Variants in ALPK2 observed in about 807,000 individuals in gnomAD.
The protein encoded by ALPK2 is alpha-protein kinase 2.
In ALPK2, 127 loss-of-function variants were observed where a neutral mutation model predicts 163.1. The observed-to-expected ratio is 0.78, with a 90% CI of 0.67 to 0.90. ALPK2 has a LOEUF of 0.90. Among genes scored for constraint, ALPK2 ranks in the 40% least tolerant of loss-of-function variants. The pLI is 0.00. For missense variants in ALPK2, 2,360 were observed against 2,589.6 expected (o/e 0.91, Z 1.92); for synonymous variants, 953 against 959.1 (o/e 0.99, Z 0.12).
chr18:58,514,909 C>A, intron 10 of ALPK2, 84 bp downstream of exon 10: 5 of 995,540 alleles, frequency 5.0e-6, no homozygotes, highest in Non-Finnish European at 7.4e-6. Flanking sequence ...GAAACACTTG[C>A]CCTACTGTTC....
chr18:58,616,309 A>C (rs768682938), intron 1 of ALPK2, among the ~76,000 whole-genome samples: 2 of 152,118 alleles, frequency 1.3e-5, no homozygotes, highest in Non-Finnish European at 2.9e-5. Flanking sequence ...GGGAAACAGA[A>C]TCTCTCTCTC....
At chr18:58,591,332 A>C (rs2052013963) in intron 3 of ALPK2, among the ~76,000 whole-genome samples, 1 of 152,244 alleles carries the variant, frequency 6.6e-6, no homozygotes, top group South Asian at 2.1e-4. Flanking sequence ...ACGGCCAAAA[A>C]AATGGTAGGA....
intron 7 of ALPK2, 45 bp from the exon 8 acceptor site, chr18:58,523,886 T>C (rs1312397151): frequency 1.9e-6 from 3 of 1,614,102 alleles, no homozygotes; most frequent in Middle Eastern, 1.6e-4. Context: ...CAGATGTCCA[T>C]TGTGAACGGG....
chr18:58,482,757 T>G (rs2051318236), intron 12 of ALPK2, among the ~76,000 whole-genome samples: 1 of 152,214 alleles, frequency 6.6e-6, no homozygotes, highest in Admixed American at 6.5e-5. Flanking sequence ...ATTTAAATAC[T>G]GAAATTATAA....
chr18:58,617,762 G>T (rs2052177883), intron 1 of ALPK2, among the ~76,000 whole-genome samples: 1 of 152,200 alleles, frequency 6.6e-6, no homozygotes, highest in Non-Finnish European at 1.5e-5. Context: ...TTTGTTGACA[G>T]TTGGCTTATT....
intron 11 of ALPK2, among the ~76,000 whole-genome samples, chr18:58,503,063 C>G (rs368488627): frequency 6.6e-6 from 1 of 152,236 alleles, no homozygotes; most frequent in African/African-American, 2.4e-5. Context: ...CCTGGGATCC[C>G]CTCTCAAATA....
chr18:58,482,043 T>G lies in ALPK2; in HGVS notation c.6297-4A>C. 6.2e-7 allele frequency: 1 copy of G among 1,608,024 alleles called. No homozygotes were observed. The highest frequency in any genetic ancestry group is 8.5e-7 in the Non-Finnish European group (1 of 1,174,902). ...GTTGCCTTTAAATCCCTTGTACCTG[T>G]GAGTTTGGGTGGAAGGAAACATAGC... is the stretch of plus-strand genomic sequence containing the variant. On this transcript the variant is annotated splice_polypyrimidine_tract_variant and splice_region_variant and intron_variant, in intron 12 of 12. Coordinates refer to ENST00000361673, the MANE Select transcript of ALPK2 (RefSeq NM_052947.4).
rs192698694 is a variant in ALPK2, at chr18:58,583,333, C to T, written c.228-2785G>A. Among the ~76,000 whole-genome samples the T allele has an allele frequency of 1.0e-3, 159 of 152,070 alleles. 1 individual carries two copies. Among genetic ancestry groups the T allele is most frequent in the African/African-American group, 3.4e-3 (139 of 41,480 alleles). On this transcript the variant is annotated intron_variant, in intron 3 of 12. Transcript: ENST00000361673. ...AAAGAGAGGAGGGTATAATGAGGCG[C>T]GTCCAACACCCTTCCTGTCATGGCC...
intron 8 of ALPK2, among the ~76,000 whole-genome samples, chr18:58,520,625 G>T (rs991072958): frequency 6.6e-6 from 1 of 152,034 alleles, no homozygotes; most frequent in Non-Finnish European, 1.5e-5. Context: ...AGACTGCTCC[G>T]AGGTGCAGAA....
chr18:58,519,506 C>A lies in ALPK2; in HGVS notation c.5666-2324G>T, dbSNP rs2051538741. ...CCCTATGCTTTAAAATTCAGCAAAT[C>A]TAATTAACTGAAGATAAAAGTTGGT... On this transcript the variant is annotated intron_variant, in intron 8 of 12. Transcript: ENST00000361673. 1.3e-5 allele frequency among the ~76,000 whole-genome samples: 2 copies of A among 152,146 alleles called. 1 individual carries two copies. Among genetic ancestry groups the A allele is most frequent in the South Asian group, 4.1e-4 (2 of 4,832 alleles).
At chr18:58,483,813 C>T (rs1289526473) in intron 12 of ALPK2, among the ~76,000 whole-genome samples, 1 of 151,818 alleles carries the variant, frequency 6.6e-6, no homozygotes, top group Admixed American at 6.6e-5. Context: ...GATCCGCCCG[C>T]CTCGGCCTCC....
Position 58,579,761 on chromosome 18 carries a change from A to C in ALPK2, c.1015T>G (p.Tyr339Asp), listed in dbSNP as rs2051946156. 1 of 1,614,232 alleles carries C rather than the reference A, an allele frequency of 6.2e-7. No homozygotes were observed. The highest frequency in any genetic ancestry group is 1.3e-5 in the African/African-American group (1 of 75,056). ...TTCCTTTGCCAAACTGCATTAGAGT[A>C]ATCCGTCATAACATCAGAACATTCC... ...YLECSDVMTD[Y>D]SNAVWQRNLL... Residue 339 changes from tyrosine to aspartate, a missense_variant, in exon 4 of 13, where the codon TAC (tyrosine) becomes GAC (aspartate). Physicochemically the swap from Tyr to Asp is radical, Grantham distance 160. Coordinates refer to ENST00000361673, the MANE Select transcript of ALPK2 (RefSeq NM_052947.4).
At position 58,564,953 on chromosome 18, in the gene ALPK2, A is replaced by G. The variant is rs145364465; in HGVS notation, c.1962+13861T>C. ...TTCCTTGCTTCCCTCTCCAGAGTTAATCCTATCATTTGAATGTATTCTTCC... is the reference window on the plus strand; with the variant it reads ...TTCCTTGCTTCCCTCTCCAGAGTTAGTCCTATCATTTGAATGTATTCTTCC... On this transcript the variant is annotated intron_variant, in intron 4 of 12. Coordinates refer to ENST00000361673, the MANE Select transcript of ALPK2 (RefSeq NM_052947.4). Among the ~76,000 whole-genome samples, 1,461 of 152,328 alleles carry G rather than the reference A, an allele frequency of 9.6e-3. 20 individuals carry two copies. The highest frequency in any genetic ancestry group is 0.032 in the African/African-American group (1,320 of 41,566).
At chr18:58,626,758 G>T in intron 1 of ALPK2, among the ~76,000 whole-genome samples, 1 of 151,332 alleles carries the variant, frequency 6.6e-6, no homozygotes, top group South Asian at 2.1e-4. Context: ...CAAACACATT[G>T]TTTCCAAGTA....
Position 58,509,407 on chromosome 18 carries a change from G to A in ALPK2, c.6030-5259C>T, listed in dbSNP as rs1461576928. Among the ~76,000 whole-genome samples, 16 of 152,198 alleles carry A rather than the reference G, an allele frequency of 1.1e-4. No homozygotes were observed. In the East Asian group the frequency reaches 3.1e-3, roughly 29 times the overall value. ...CCTTTGGGTATATACCCAGTAATGG[G>A]ATGGCTGGGTCAAATGGTATTTCTA... On this transcript the variant is annotated intron_variant, in intron 10 of 12. Transcript: ENST00000361673.
intron 5 of ALPK2, 105 bp downstream of exon 5, chr18:58,534,729 G>C (rs1436987598): frequency 7.1e-7 from 1 of 1,415,222 alleles, no homozygotes; most frequent in African/African-American, 1.4e-5. Context: ...ATGCCCACCT[G>C]GGGGACACTG....
At chr18:58,557,226 C>G (rs1197806402) in intron 4 of ALPK2, 1 of 152,270 alleles carries the variant, frequency 6.6e-6, no homozygotes, top group Non-Finnish European at 1.5e-5. Flanking sequence ...TGGAGGGGCT[C>G]ATGGGTGACC....
At position 58,536,686 on chromosome 18, in the gene ALPK2, T is replaced by C; in HGVS notation, c.3501A>G (p.Arg1167=). 6.2e-7 allele frequency: 1 copy of C among 1,614,202 alleles called. No individual in the cohort carries two copies. The highest frequency in any genetic ancestry group is 8.5e-7 in the Non-Finnish European group (1 of 1,180,028). The change falls in exon 5 of 13, where the codon AGA becomes AGG. Residue 1167 remains arginine, a synonymous_variant. Coordinates refer to ENST00000361673, the MANE Select transcript of ALPK2 (RefSeq NM_052947.4). ...LPTTSAAQEE[R]NLVPTAHSPA... is the part of the protein sequence containing the mutation. ...GTGAGTGGGCCGTGGGCACCAAGTT[T>C]CTTTCCTCTTGTGCAGCAGATGTCG...
At position 58,516,917 on chromosome 18, in the gene ALPK2, G is replaced by A. The variant is rs766688925; in HGVS notation, c.5931C>T (p.Leu1977=). 1.1e-4 allele frequency: 176 copies of A among 1,612,920 alleles called. 2 individuals carry two copies. The East Asian group carries it at 1.4e-3, about 13-fold the overall frequency. ...NDELIQRNYK[L]AAQECYVQNT... is the part of the protein sequence containing the mutation. ...GGGCAGATGGACCCACCTGGGCAGC[G>A]AGTTTGTAGTTCCTTTGGATGAGCT... The change falls in exon 9 of 13, where the codon CTC becomes CTT. Residue 1977 remains leucine, a synonymous_variant. Coordinates refer to ENST00000361673, the MANE Select transcript of ALPK2 (RefSeq NM_052947.4).
Sources: allele counts gnomAD v4.1 joint callset (sites outside exome capture counted in the v4.1 genomes callset), GRCh38; gene constraint gnomAD v4.1.1; transcripts MANE v1.5; gene names NCBI Gene and HGNC (gene_info 2026-07-23, HGNC 2026-07-21).